Variants in GRIK1 observed in about 807,000 individuals in gnomAD.
GRIK1 encodes glutamate ionotropic receptor kainate type subunit 1.
Under a neutral mutation model 105.7 loss-of-function variants are expected in GRIK1, and 69 were observed. The ratio of observed to expected loss-of-function variants is 0.65; its 90% CI spans 0.54 to 0.80. GRIK1 has a LOEUF of 0.80. Ranked by LOEUF, GRIK1 falls within the 30% of genes least tolerant of loss-of-function variation. GRIK1 has a pLI of 0.00. For missense variants in GRIK1, 1,109 were observed against 1,167.3 expected, an observed-to-expected ratio of 0.95 and a Z score of 0.73; for synonymous variants, 438 against 431.3, an observed-to-expected ratio of 1.02 and a Z score of -0.19.
intron 3 of GRIK1, among the ~76,000 whole-genome samples, chr21:29,689,086 G>C (rs1346510800): frequency 1.3e-5 from 2 of 151,532 alleles, no homozygotes; most frequent in African/African-American, 4.9e-5. Flanking sequence ...AAAAATTCTG[G>C]ACAATAAGCA....
intron 15 of GRIK1, 123 bp from the exon 16 acceptor site, chr21:29,555,425 T>C: frequency 1.2e-6 from 1 of 869,352 alleles, no homozygotes; most frequent in Non-Finnish European, 1.8e-6. Context: ...ATCCACAAAT[T>C]GACTTGCAAA....
At chr21:29,770,515 G>A (rs2065788239) in intron 1 of GRIK1, among the ~76,000 whole-genome samples, 1 of 152,192 alleles carries the variant, frequency 6.6e-6, no homozygotes, top group Non-Finnish European at 1.5e-5. Flanking sequence ...ACTGTCTCCA[G>A]GCAGGAAGGT....
At chr21:29,846,678 A>T (rs1351213884) in intron 1 of GRIK1, among the ~76,000 whole-genome samples, 1 of 147,836 alleles carries the variant, frequency 6.8e-6, no homozygotes, top group Non-Finnish European at 1.5e-5. Flanking sequence ...TGTAGAGGAA[A>T]ATCTGCACTC....
At chr21:29,845,104 G>T (rs1245727686) in intron 1 of GRIK1, among the ~76,000 whole-genome samples, 1 of 152,040 alleles carries the variant, frequency 6.6e-6, no homozygotes, top group Non-Finnish European at 1.5e-5. Context: ...ATATGTTTAT[G>T]ATGATTGCAA....
At chr21:29,937,797 A>AT (rs11410205) in intron 1 of GRIK1, among the ~76,000 whole-genome samples, 7,163 of 149,224 alleles carry the variant, frequency 0.048, 366 homozygotes, top group African/African-American at 0.13. Flanking sequence ...TGTTCAGAAT[A>AT]TTTTTTTTTT....
chr21:29,925,689 C>T (rs2832486), intron 1 of GRIK1, among the ~76,000 whole-genome samples: 102,896 of 151,604 alleles, frequency 0.68, 35,143 homozygotes, highest in East Asian at 0.83. Flanking sequence ...AATTGTTCAC[C>T]GATTTTGTCT....
intron 1 of GRIK1, among the ~76,000 whole-genome samples, chr21:29,712,083 TAC>T (rs56017389): frequency 0.097 from 13,118 of 135,350 alleles, 704 homozygotes; most frequent in African/African-American, 0.15. Flanking sequence ...TATACATACA[TAC>T]ACACACACAC....
intron 7 of GRIK1, among the ~76,000 whole-genome samples, chr21:29,633,900 G>T (rs2062339662): frequency 6.6e-6 from 1 of 152,160 alleles, no homozygotes; most frequent in African/African-American, 2.4e-5. Context: ...GTAGAAATTT[G>T]ATTGAGGTTG....
At chr21:29,596,095 G>A (rs2061407452) in intron 9 of GRIK1, 1 of 311,110 alleles carries the variant, frequency 3.2e-6, no homozygotes, top group Non-Finnish European at 6.2e-6. Context: ...TACAGGAGGT[G>A]TCCTAGCCTT....
At chr21:29,589,720 G>A (rs748332280) in intron 10 of GRIK1, among the ~76,000 whole-genome samples, 68 of 151,950 alleles carry the variant, frequency 4.5e-4, no homozygotes, top group Non-Finnish European at 9.3e-4. Context: ...CACCAAGCCC[G>A]GACCTGGCTT....
intron 1 of GRIK1, among the ~76,000 whole-genome samples, chr21:29,875,812 G>A (rs1227345095): frequency 6.6e-6 from 1 of 152,122 alleles, no homozygotes; most frequent in Non-Finnish European, 1.5e-5. Flanking sequence ...AAAAACTCAT[G>A]CTTTAACTCC....
intron 7 of GRIK1, among the ~76,000 whole-genome samples, chr21:29,605,099 T>C (rs2061587596): frequency 1.3e-5 from 2 of 152,178 alleles, no homozygotes; most frequent in Non-Finnish European, 2.9e-5. Context: ...CATGTGCGGA[T>C]ATGCAGGTTT....
intron 7 of GRIK1, among the ~76,000 whole-genome samples, chr21:29,614,846 G>C (rs568286568): frequency 6.6e-6 from 1 of 151,446 alleles, no homozygotes; most frequent in Non-Finnish European, 1.5e-5. Context: ...CCCAGACTTT[G>C]TGCACATAAT....
At chr21:29,542,738 T>A (rs950772291) in intron 16 of GRIK1, among the ~76,000 whole-genome samples, 29 of 152,244 alleles carry the variant, frequency 1.9e-4, no homozygotes, top group African/African-American at 6.0e-4. Context: ...CTGCTTTGGA[T>A]GCTTATACCC....
chr21:29,907,061 C>G (rs2070668053), intron 1 of GRIK1, among the ~76,000 whole-genome samples: 2 of 150,246 alleles, frequency 1.3e-5, no homozygotes, highest in African/African-American at 4.9e-5. Context: ...TCTAAAGTTT[C>G]TGCAAAGCAC....
chr21:29,695,044 T>G (rs1297985087), intron 1 of GRIK1, among the ~76,000 whole-genome samples: 1 of 152,208 alleles, frequency 6.6e-6, no homozygotes, highest in African/African-American at 2.4e-5. Context: ...ATCAGGTAAC[T>G]GAAGAAATAT....
At chr21:29,796,361 A>T (rs1057463258) in intron 1 of GRIK1, among the ~76,000 whole-genome samples, 7 of 152,108 alleles carry the variant, frequency 4.6e-5, no homozygotes, top group Non-Finnish European at 1.0e-4. Flanking sequence ...AAAGACCTAA[A>T]CTGCCCCAAT....
At chr21:29,560,503 C>T (rs55712448) in intron 15 of GRIK1, among the ~76,000 whole-genome samples, 172 of 15,614 alleles carry the variant, frequency 0.011, 21 homozygotes, top group African/African-American at 0.037. Context: ...TTCTTTCCTT[C>T]CTTCCTTCCT....
chr21:29,905,619 ATT>A (rs869179451), intron 1 of GRIK1, among the ~76,000 whole-genome samples: 197 of 72,556 alleles, frequency 2.7e-3, no homozygotes, highest in East Asian at 0.018. Context: ...CAAATTTTGT[ATT>A]TTTTTTTTTT....
Sources: allele counts gnomAD v4.1 joint callset (sites outside exome capture counted in the v4.1 genomes callset), GRCh38; gene constraint gnomAD v4.1.1; transcripts MANE v1.5; gene names NCBI Gene and HGNC (gene_info 2026-07-23, HGNC 2026-07-21).